Variants in UBA7 observed in about 807,000 individuals in gnomAD.
The protein encoded by UBA7 is ubiquitin like modifier activating enzyme 7.
A neutral mutation model predicts 113.0 loss-of-function variants in UBA7; 88 were observed. The ratio of observed to expected loss-of-function variants is 0.78; its 90% CI spans 0.66 to 0.93. UBA7 has a LOEUF of 0.93. Ranked by LOEUF, UBA7 falls within the 40% of genes least tolerant of loss-of-function variation. The pLI is 0.00. For synonymous variants in UBA7, 459 were observed against 513.0 expected (o/e 0.89, Z 1.42); for missense variants, 1,092 against 1,266.4 (o/e 0.86, Z 2.09).
rs768467918 is a variant in UBA7, at chr3:49,807,797, T to C, written c.2654A>G (p.Tyr885Cys). The C allele has an allele frequency of 6.8e-6, 11 of 1,614,052 alleles. No individual in the cohort carries two copies. The highest frequency in any genetic ancestry group is 1.1e-5 in the South Asian group (1 of 91,064). Residue 885 changes from tyrosine to cysteine, a missense_variant, in exon 21 of 24, where the codon TAC (tyrosine) becomes TGC (cysteine). Physicochemically the swap from Tyr to Cys is radical, Grantham distance 194. This residue lies in a region of UBA7 where 500 missense variants were observed against 529.3 expected (regional missense o/e 0.94). Coordinates refer to ENST00000333486, the MANE Select transcript of UBA7 (RefSeq NM_003335.3). This position sits in a 1 kb window ranked among gnomAD's most constrained non-coding sequence, Gnocchi z 4.0. ...PRPRSAFRHS[Y>C]LHLAENYLIR... Reference sequence around the variant, plus strand: ...GAGGTAGTTTTCAGCCAGATGTAGGTAGCTGTGGCGAAAGGCACTACGAGG... The same window carrying C: ...GAGGTAGTTTTCAGCCAGATGTAGGCAGCTGTGGCGAAAGGCACTACGAGG...
rs1235515578 is a variant in UBA7 at position 49,810,302 on chromosome 3, C to T, written c.1594G>A (p.Val532Met). 9.3e-6 allele frequency: 15 copies of T among 1,614,006 alleles called. No homozygotes were observed. Among genetic ancestry groups the T allele is most frequent in the African/African-American group, 1.3e-5 (1 of 74,926 alleles). The change falls in exon 13 of 24, where the codon GTG becomes ATG. Residue 532 changes from valine to methionine, a missense_variant. Around this residue, in one of 3 missense-constraint regions of UBA7, gnomAD observed 584 missense variants for 714.5 expected, o/e 0.82. Coordinates refer to ENST00000333486, the MANE Select transcript of UBA7 (RefSeq NM_003335.3). The surrounding 1 kb of genome is among the most constrained non-coding windows in gnomAD (Gnocchi z 5.6). ...HIYGDNFFSR[V>M]DGVAAALDSF... ...TCCAGGGCAGCAGCCACACCATCCA[C>T]ACGGGAGAAAAAGTTATCCCCATAG...
rs2081588493 is a variant in UBA7, at chr3:49,813,746, C to T, written c.42G>A (p.Leu14=). 6.2e-7 allele frequency: 1 copy of T among 1,614,248 alleles called. No individual in the cohort carries two copies. The highest frequency in any genetic ancestry group is 8.5e-7 in the Non-Finnish European group (1 of 1,180,044). ...LDASKLLDEE[L]YSRQLYVLGS... is the part of the protein sequence containing the mutation. ...TCGGGCCTCACAGCTGTCTTGAATACAGCTCCTCATCCAGTAGCTTCGAAG... is the reference window on the plus strand; with the variant it reads ...TCGGGCCTCACAGCTGTCTTGAATATAGCTCCTCATCCAGTAGCTTCGAAG... Residue 14 remains leucine (L), a synonymous_variant, in exon 1 of 24, where the codon CTG becomes CTA. Coordinates refer to ENST00000333486, the MANE Select transcript of UBA7 (RefSeq NM_003335.3).
rs146224810 is a variant in UBA7 at position 49,809,026 on chromosome 3, G to T, written c.2297C>A (p.Ala766Asp). Residue 766 changes from alanine (A) to aspartate (D), a missense_variant, in exon 18 of 24, where the codon GCC (alanine) becomes GAC (aspartate). Around this residue, in one of 3 missense-constraint regions of UBA7, gnomAD observed 500 missense variants for 529.3 expected, o/e 0.94. Transcript: ENST00000333486. ...LLPQPDPQQMAPIFASNLELA... is the reference protein window; with the variant it reads ...LLPQPDPQQMDPIFASNLELA... The stretch of plus-strand genomic sequence containing the variant: ...CTCTAGATTACTAGCAAAGATGGGG[G>T]CCATCTGTTGGGGGTCAGGCTGTGG... 46 of 1,613,790 alleles carry T rather than the reference G, an allele frequency of 2.9e-5. No individual in the cohort carries two copies. Among genetic ancestry groups the T allele is most frequent in the Non-Finnish European group, 3.9e-5 (46 of 1,180,018 alleles).
In UBA7 at chr3:49,812,407, C is replaced by A; in HGVS notation, c.694+1G>T. 1 of 1,614,132 alleles carries A rather than the reference C, an allele frequency of 6.2e-7. No individual in the cohort carries two copies. The highest frequency in any genetic ancestry group is 1.6e-4 in the Middle Eastern group (1 of 6,062). Reference sequence around the variant, plus strand: ...CTGGAATTGGAATGGGATTGGCTTACCCCGCACGTGGATAGACCGGGGATC... The same window carrying A: ...CTGGAATTGGAATGGGATTGGCTTAACCCGCACGTGGATAGACCGGGGATC... On this transcript the variant is annotated splice_donor_variant, in intron 6 of 23. Coordinates refer to ENST00000333486, the MANE Select transcript of UBA7 (RefSeq NM_003335.3). LOFTEE classifies it high-confidence loss of function.
chr3:49,812,336 A>G (rs1307983544), intron 6 of UBA7, 72 bp downstream of exon 6: 54 of 1,610,932 alleles, frequency 3.4e-5, no homozygotes, highest in Non-Finnish European at 4.6e-5. Context: ...AACCCATCCC[A>G]AGGGCCAGGC....
rs370075283 is a variant in UBA7 at position 49,809,645 on chromosome 3, C to T, written c.1985G>A (p.Arg662His). The change falls in exon 16 of 24, where the codon CGT becomes CAT. Residue 662 changes from arginine to histidine, a missense_variant. This residue lies in a region of UBA7 where 500 missense variants were observed against 529.3 expected (regional missense o/e 0.94). Transcript: ENST00000333486. ...CACACAGTCTTGCCAGTTCTGTGGA[C>T]GCACTCTCAGGACCCCAAGCACTGG... Reference protein sequence around the residue: ...LKPVLGVLRVRPQNWQDCVAW... With the variant: ...LKPVLGVLRVHPQNWQDCVAW... 6.4e-5 allele frequency: 104 copies of T among 1,613,984 alleles called. No individual in the cohort carries two copies. Among genetic ancestry groups the T allele is most frequent in the East Asian group, 8.9e-5 (4 of 44,896 alleles).
At chr3:49,806,899 C>T (rs1257274750) in intron 21 of UBA7, among the ~76,000 whole-genome samples, 1 of 152,154 alleles carries the variant, frequency 6.6e-6, no homozygotes, top group Non-Finnish European at 1.5e-5. Flanking sequence ...GGGTGCCTCA[C>T]AAAGGGGCTC....
In UBA7 at chr3:49,810,354, G is replaced by A; in HGVS notation, c.1542C>T (p.Tyr514=). The part of the protein sequence containing the change: ...NPDLQVIPLT[Y]PLDPTTEHIY... ...TGTGCTCTGTGGTGGGATCCAGTGG[G>A]TAGGTGAGCGGGATCACCTGTAAGT... is the stretch of plus-strand genomic sequence containing the variant. Residue 514 remains tyrosine, a synonymous_variant, in exon 13 of 24, where the codon TAC becomes TAT. Coordinates refer to ENST00000333486, the MANE Select transcript of UBA7 (RefSeq NM_003335.3). This position sits in a 1 kb window ranked among gnomAD's most constrained non-coding sequence, Gnocchi z 5.6. 3 of 1,614,186 alleles carry A rather than the reference G, an allele frequency of 1.9e-6. No homozygotes were observed. Among genetic ancestry groups the A allele is most frequent in the Non-Finnish European group, 8.5e-7 (1 of 1,180,032 alleles).
Position 49,809,021 on chromosome 3 carries a change from T to C in UBA7, c.2302A>G (p.Ile768Val). 3.1e-6 allele frequency: 5 copies of C among 1,613,748 alleles called. No individual in the cohort carries two copies. Among genetic ancestry groups the C allele is most frequent in the Non-Finnish European group, 4.2e-6 (5 of 1,179,986 alleles). Residue 768 changes from isoleucine to valine, a missense_variant, in exon 18 of 24, where the codon ATC (isoleucine) becomes GTC (valine). Ile to Val is a conservative substitution (Grantham distance 29). Coordinates refer to ENST00000333486, the MANE Select transcript of UBA7 (RefSeq NM_003335.3). ...PQPDPQQMAP[I>V]FASNLELASA... ...GCCAGCTCTAGATTACTAGCAAAGA[T>C]GGGGGCCATCTGTTGGGGGTCAGGC...
At position 49,810,221 on chromosome 3, in the gene UBA7, C is replaced by G; in HGVS notation, c.1634-38G>C. On this transcript the variant is annotated intron_variant, in intron 13 of 23. Transcript: ENST00000333486. The surrounding 1 kb of genome is among the most constrained non-coding windows in gnomAD (Gnocchi z 5.6). ...CAGTGGGTCAGAAGTGGGACTGGCA[C>G]AGCTGTGGGCAAGGGACTGACCTCC... The G allele has an allele frequency of 6.2e-7, 1 of 1,612,670 alleles. No homozygotes were observed.
intron 21 of UBA7, 73 bp from the exon 22 acceptor site, chr3:49,806,238 T>A: frequency 2.2e-6 from 3 of 1,377,894 alleles, no homozygotes; most frequent in Non-Finnish European, 2.0e-6. Flanking sequence ...CCAGCAGCCT[T>A]TCCTAGGGGA....
Position 49,812,746 on chromosome 3 carries a change from G to A in UBA7, c.468-8C>T. 3 of 1,614,092 alleles carry A rather than the reference G, an allele frequency of 1.9e-6. No homozygotes were observed. Among genetic ancestry groups the A allele is most frequent in the East Asian group, 2.2e-5 (1 of 44,880 alleles). Reference sequence around the variant, plus strand: ...AAGTCACAGAACAACTGCCTGAGATGGGGTGGTAGGGGTCACTGAGGTGGC... The same window carrying A: ...AAGTCACAGAACAACTGCCTGAGATAGGGTGGTAGGGGTCACTGAGGTGGC... On this transcript the variant is annotated splice_region_variant and splice_polypyrimidine_tract_variant and intron_variant, in intron 4 of 23. Transcript: ENST00000333486.
chr3:49,810,501 A>G lies in UBA7; in HGVS notation c.1467+16T>C. On this transcript the variant is annotated intron_variant, in intron 12 of 23. Transcript: ENST00000333486. The surrounding 1 kb of genome is among the most constrained non-coding windows in gnomAD (Gnocchi z 5.6). ...CGGTCTGGGATGCAGGAGTGTGGAG[A>G]GGGGTCAGCACTCACACCAACGTCC... The G allele has an allele frequency of 6.2e-7, 1 of 1,613,994 alleles. No homozygotes were observed. The highest frequency in any genetic ancestry group is 8.5e-7 in the Non-Finnish European group (1 of 1,179,980).
intron 21 of UBA7, 111 bp from the exon 22 acceptor site, chr3:49,806,276 C>A: frequency 2.1e-6 from 2 of 974,330 alleles, no homozygotes; most frequent in Non-Finnish European, 3.1e-6. Context: ...AAACAGGAGC[C>A]AGGGGGTGGG....
chr3:49,812,868 A>G, intron 4 of UBA7, 130 bp from the exon 5 acceptor site: 1 of 1,245,696 alleles, frequency 8.0e-7, no homozygotes, highest in Non-Finnish European at 1.1e-6. Context: ...CTAGAATTTG[A>G]GAGGGTTACT....
rs142863046 is a variant in UBA7 at position 49,810,777 on chromosome 3, T to G, written c.1286A>C (p.Lys429Thr). 1 of 1,613,984 alleles carries G rather than the reference T, an allele frequency of 6.2e-7. No individual in the cohort carries two copies. The highest frequency in any genetic ancestry group is 1.3e-5 in the African/African-American group (1 of 74,908). ...CAGGAGGTAGTGCTGGCGTCTCAGT[T>G]TCTCCTGAAAACCAGCCCCAAACAC... Reference protein sequence around the residue: ...IAVFGAGFQEKLRRQHYLLVG... With the variant: ...IAVFGAGFQETLRRQHYLLVG... The change falls in exon 11 of 24, where the codon AAA (lysine) becomes ACA (threonine). Residue 429 changes from lysine to threonine, a missense_variant. Lys to Thr is a moderately conservative substitution (Grantham distance 78). This residue lies in a region of UBA7 where 584 missense variants were observed against 714.5 expected (regional missense o/e 0.82). Transcript: ENST00000333486. The surrounding 1 kb of genome is among the most constrained non-coding windows in gnomAD (Gnocchi z 5.6).
In UBA7 at chr3:49,813,545, C is replaced by A. The variant is rs1213953030; in HGVS notation, c.159G>T (p.Leu53=). Residue 53 remains leucine, a synonymous_variant, in exon 2 of 24, where the codon CTG becomes CTT. Transcript: ENST00000333486. ...GCAGAGTGAGGCTGCCCACACCCAT[C>A]AGAACCAAGTTCTTGGCCACCTCGG... The part of the protein sequence containing the change: ...LGAEVAKNLV[L]MGVGSLTLHD... The A allele has an allele frequency of 1.9e-6, 3 of 1,613,952 alleles. No individual in the cohort carries two copies. The highest frequency in any genetic ancestry group is 2.5e-6 in the Non-Finnish European group (3 of 1,180,056).
Position 49,809,457 on chromosome 3 carries a change from T to A in UBA7, c.2096A>T (p.Glu699Val). ...ACCTGACCAGAAGGGAGTTCCATCC[T>A]CAAGCACCTAGGTAGGTAAGTAGAA... ...LRHFPPNKVLEDGTPFWSGPK... is the reference protein window; with the variant it reads ...LRHFPPNKVLVDGTPFWSGPK... Residue 699 changes from glutamate (E) to valine (V), a missense_variant, in exon 17 of 24, where the codon GAG (glutamate) becomes GTG (valine). Transcript: ENST00000333486. 1 of 1,614,172 alleles carries A rather than the reference T, an allele frequency of 6.2e-7. No individual in the cohort carries two copies. The highest frequency in any genetic ancestry group is 1.7e-4 in the Middle Eastern group (1 of 6,060).
At position 49,809,802 on chromosome 3, in the gene UBA7, T is replaced by C. The variant is rs2081513772; in HGVS notation, c.1904+13A>G. 4 of 1,614,110 alleles carry C rather than the reference T, an allele frequency of 2.5e-6. No homozygotes were observed. Among genetic ancestry groups the C allele is most frequent in the Admixed American group, 1.7e-5 (1 of 60,024 alleles). On this transcript the variant is annotated intron_variant, in intron 15 of 23. Transcript: ENST00000333486. Reference sequence around the variant, plus strand: ...AGCCCTGGACTCCCATCTGCCTCTGTTGGTGGCCTTACTGTTGGTGGTGGT... The same window carrying C: ...AGCCCTGGACTCCCATCTGCCTCTGCTGGTGGCCTTACTGTTGGTGGTGGT...
Sources: allele counts gnomAD v4.1 joint callset (sites outside exome capture counted in the v4.1 genomes callset), GRCh38; gene constraint gnomAD v4.1.1; regional missense constraint gnomAD v4.1.1; non-coding constraint Gnocchi (gnomAD v3.1); transcripts MANE v1.5; gene names NCBI Gene and HGNC (gene_info 2026-07-23, HGNC 2026-07-21).